Variants in PDLIM5 observed in about 807,000 individuals in gnomAD.
The protein encoded by PDLIM5 is PDZ and LIM domain 5.
PDLIM5 carries 34 observed loss-of-function variants against 64.2 expected under a neutral mutation model. The ratio of observed to expected loss-of-function variants is 0.53; its 90% CI spans 0.40 to 0.71. The LOEUF is 0.71. Among genes scored for constraint, PDLIM5 ranks in the 30% least tolerant of loss-of-function variants. The pLI, the probability that PDLIM5 is intolerant of heterozygous loss-of-function variation, is 0.00. For synonymous variants in PDLIM5, 253 were observed against 269.1 expected (o/e 0.94, Z 0.59); for missense variants, 683 against 733.6 (o/e 0.93, Z 0.80).
At chr4:94,523,943 C>T in intron 3 of PDLIM5, 68 bp downstream of exon 3, 1 of 1,173,684 alleles carries the variant, frequency 8.5e-7, no homozygotes, top group Non-Finnish European at 1.2e-6. Flanking sequence ...GTGTGTCTGA[C>T]TCACGGTGTT....
chr4:94,612,889 TTTTA>T (rs774552457), intron 7 of PDLIM5, among the ~76,000 whole-genome samples: 18 of 151,388 alleles, frequency 1.2e-4, no homozygotes, highest in African/African-American at 2.9e-4. Flanking sequence ...GTATAATAGT[TTTTA>T]TTTATTTTTT....
At chr4:94,485,503 C>A (rs990791331) in intron 2 of PDLIM5, among the ~76,000 whole-genome samples, 1 of 152,050 alleles carries the variant, frequency 6.6e-6, no homozygotes. Flanking sequence ...GTGAGTGAAC[C>A]GCATGGAGTT....
At chr4:94,483,699 G>T (rs1487527623) in intron 2 of PDLIM5, among the ~76,000 whole-genome samples, 1 of 152,088 alleles carries the variant, frequency 6.6e-6, no homozygotes, top group Admixed American at 6.6e-5. Context: ...TTACAGATTT[G>T]TCATTTGTTT....
At chr4:94,556,483 T>C (rs1031047013) in intron 3 of PDLIM5, among the ~76,000 whole-genome samples, 5 of 152,240 alleles carry the variant, frequency 3.3e-5, no homozygotes, top group Non-Finnish European at 7.3e-5. Context: ...ATTGCCACAC[T>C]GTCTTCCACA....
chr4:94,633,564 T>C (rs1364452666), intron 8 of PDLIM5, among the ~76,000 whole-genome samples: 2 of 152,180 alleles, frequency 1.3e-5, no homozygotes, highest in Non-Finnish European at 2.9e-5. Context: ...GAATCAGCAA[T>C]TTCTCTAAGA....
chr4:94,606,963 A>G (rs1737976496), intron 7 of PDLIM5, among the ~76,000 whole-genome samples: 1 of 152,250 alleles, frequency 6.6e-6, no homozygotes, highest in African/African-American at 2.4e-5. Context: ...ATTTAAAAAT[A>G]TGAAAACTAT....
At chr4:94,480,140 C>T (rs1465707303) in intron 2 of PDLIM5, among the ~76,000 whole-genome samples, 1 of 152,046 alleles carries the variant, frequency 6.6e-6, no homozygotes, top group Non-Finnish European at 1.5e-5. Context: ...AAATGTGGAC[C>T]ATAGAGAATA....
intron 9 of PDLIM5, among the ~76,000 whole-genome samples, chr4:94,652,497 G>A (rs1560766958): frequency 1.3e-5 from 2 of 152,102 alleles, no homozygotes; most frequent in East Asian, 3.8e-4. Flanking sequence ...GTGATTCCTG[G>A]TTTATCTTTG....
intron 3 of PDLIM5, among the ~76,000 whole-genome samples, chr4:94,568,362 C>T (rs1427510791): frequency 6.6e-6 from 1 of 152,106 alleles, no homozygotes; most frequent in African/African-American, 2.4e-5. Context: ...TAAAATTTGC[C>T]ATTTCTTAAC....
chr4:94,476,832 T>TACTAGA (rs1725367582), intron 2 of PDLIM5, among the ~76,000 whole-genome samples: 1 of 152,220 alleles, frequency 6.6e-6, no homozygotes, highest in Non-Finnish European at 1.5e-5. Flanking sequence ...TAGAATAAGT[T>TACTAGA]ATAAAACTCA....
At chr4:94,640,229 T>G in intron 8 of PDLIM5, 47 bp from the exon 9 acceptor site, 1 of 1,005,454 alleles carries the variant, frequency 9.9e-7, no homozygotes, top group Non-Finnish European at 1.5e-6. Flanking sequence ...TAGGAAAGGT[T>G]TATATGTGGC....
At chr4:94,476,278 C>T (rs1725314895) in intron 2 of PDLIM5, among the ~76,000 whole-genome samples, 1 of 152,020 alleles carries the variant, frequency 6.6e-6, no homozygotes. Context: ...TTAGTTAACC[C>T]AAACCTTTCT....
At chr4:94,511,661 C>T (rs999037015) in intron 2 of PDLIM5, among the ~76,000 whole-genome samples, 12 of 151,884 alleles carry the variant, frequency 7.9e-5, no homozygotes, top group East Asian at 1.9e-4. Flanking sequence ...AACCATCCTT[C>T]TACTCTCTGT....
At chr4:94,517,437 G>T (rs1419284914) in intron 2 of PDLIM5, among the ~76,000 whole-genome samples, 1 of 152,126 alleles carries the variant, frequency 6.6e-6, no homozygotes, top group African/African-American at 2.4e-5. Context: ...ATTCAAGATT[G>T]CTCATTAATT....
chr4:94,659,511 T>C (rs1055461190), intron 11 of PDLIM5, among the ~76,000 whole-genome samples: 5 of 150,442 alleles, frequency 3.3e-5, no homozygotes, highest in African/African-American at 1.2e-4. Context: ...TGTGTGTGTG[T>C]GTGTGTGTGT....
chr4:94,497,185 C>G (rs895385086), intron 2 of PDLIM5, among the ~76,000 whole-genome samples: 2 of 152,150 alleles, frequency 1.3e-5, no homozygotes, highest in Admixed American at 6.5e-5. Flanking sequence ...CAAAAGAAGG[C>G]ATTGTAAATG....
intron 3 of PDLIM5, among the ~76,000 whole-genome samples, chr4:94,535,667 T>G (rs1731258868): frequency 1.3e-5 from 2 of 152,216 alleles, no homozygotes; most frequent in South Asian, 4.2e-4. Flanking sequence ...GAGACCCAGG[T>G]CCTAGTCATT....
chr4:94,500,266 C>G (rs920340378), intron 2 of PDLIM5, among the ~76,000 whole-genome samples: 3 of 152,156 alleles, frequency 2.0e-5, no homozygotes, highest in Non-Finnish European at 4.4e-5. Flanking sequence ...GATTAAGTTT[C>G]TGCACCTGTT....
intron 2 of PDLIM5, among the ~76,000 whole-genome samples, chr4:94,516,411 G>A (rs1484503122): frequency 6.6e-6 from 1 of 152,192 alleles, no homozygotes; most frequent in Non-Finnish European, 1.5e-5. Context: ...TGCTCACAGA[G>A]AGACATCGGT....
Sources: gnomAD v4.1 joint callset for allele counts (sites outside exome capture counted in the v4.1 genomes callset) on GRCh38, gnomAD v4.1.1 for gene constraint, MANE v1.5 for transcripts, NCBI Gene and HGNC (gene_info 2026-07-23, HGNC 2026-07-21) for gene names.